Variants in WAC observed in about 807,000 individuals in gnomAD.
WAC encodes the protein WW domain containing adaptor with coiled-coil.
Under a neutral mutation model 79.6 loss-of-function variants are expected in WAC, and 11 were observed. That is an observed-to-expected ratio of 0.14 (90% CI 0.09 to 0.23). The LOEUF is 0.23. Among genes scored for constraint, WAC ranks in the 10% least tolerant of loss-of-function variants. The pLI is 1.00. For missense variants in WAC, 728 were observed against 773.5 expected (o/e 0.94, Z 0.70); for synonymous variants, 304 against 276.9 (o/e 1.10, Z -0.97).
chr10:28,549,599 T>C (rs889375744), intron 3 of WAC, among the ~76,000 whole-genome samples: 3 of 152,204 alleles, frequency 2.0e-5, no homozygotes, highest in Non-Finnish European at 4.4e-5. Flanking sequence ...TCTCATTCTT[T>C]ACCCGCAGCT....
chr10:28,610,732 A>C lies in WAC; in HGVS notation c.1199A>C (p.Gln400Pro). 1 of 1,611,574 alleles carries C rather than the reference A, an allele frequency of 6.2e-7. No homozygotes were observed. Among genetic ancestry groups the C allele is most frequent in the Non-Finnish European group, 8.5e-7 (1 of 1,179,424 alleles). Reference protein sequence around the residue: ...LTAAVTQASLQSIIHKFLTAG... With the variant: ...LTAAVTQASLPSIIHKFLTAG... ...GCAGCTGTGACACAAGCCTCACTGC[A>C]GTCTATAATTCATAAGTTTCTTACT... is the stretch of plus-strand genomic sequence containing the variant. The change falls in exon 9 of 14, where the codon CAG (glutamine) becomes CCG (proline). Residue 400 changes from glutamine to proline, a missense_variant. Gln to Pro is a moderately conservative substitution (Grantham distance 76). Transcript: ENST00000354911.
intron 7 of WAC, among the ~76,000 whole-genome samples, chr10:28,601,302 A>G (rs1483935875): frequency 6.6e-6 from 1 of 152,200 alleles, no homozygotes; most frequent in Non-Finnish European, 1.5e-5. Context: ...CAGTAAGCAC[A>G]TGAAAAGATG....
At chr10:28,610,233 C>T (rs1000585024) in intron 8 of WAC, among the ~76,000 whole-genome samples, 10 of 152,048 alleles carry the variant, frequency 6.6e-5, no homozygotes, top group African/African-American at 2.4e-4. Flanking sequence ...CCAATACTCC[C>T]TTTTTTGTAT....
intron 3 of WAC, among the ~76,000 whole-genome samples, chr10:28,559,305 G>C (rs1013045927): frequency 6.6e-6 from 1 of 152,148 alleles, no homozygotes; most frequent in Non-Finnish European, 1.5e-5. Context: ...CAATGAGGAA[G>C]CTAAGCCTGT....
intron 2 of WAC, chr10:28,535,356 A>T: frequency 6.3e-5 from 23 of 364,040 alleles, no homozygotes; most frequent in Non-Finnish European, 7.0e-5. Flanking sequence ...GTTTAGTGTG[A>T]TTTGTTATCA....
chr10:28,539,635 T>C (rs895317334), intron 3 of WAC, among the ~76,000 whole-genome samples: 4 of 151,938 alleles, frequency 2.6e-5, no homozygotes, highest in Admixed American at 2.6e-4. Context: ...CCTGGCTCGC[T>C]GTAACCTCTG....
rs1330396714 is a variant in WAC, at chr10:28,622,238, C to G, written c.*2632C>G. 1 of 151,906 alleles carries G rather than the reference C, an allele frequency of 6.6e-6. No homozygotes were observed. The highest frequency in any genetic ancestry group is 2.4e-5 in the African/African-American group (1 of 41,330). 9.4% of individuals were successfully genotyped at this position (151,906 alleles called of 1,614,324 possible). On this transcript the variant is annotated 3_prime_UTR_variant, in exon 14 of 14. Coordinates refer to ENST00000354911, the MANE Select transcript of WAC (RefSeq NM_016628.5). ...TGTGGAAATATTTTAAATATTGCAC[C>G]TTAATACAAGGTATCCAGCTCCTAA...
intron 3 of WAC, among the ~76,000 whole-genome samples, chr10:28,538,876 A>G (rs1589121577): frequency 6.6e-6 from 1 of 151,432 alleles, no homozygotes. Flanking sequence ...TAAAAAAAAA[A>G]AAAAAAAAGA....
At chr10:28,536,265 A>G (rs1371516756) in intron 3 of WAC, among the ~76,000 whole-genome samples, 7 of 149,900 alleles carry the variant, frequency 4.7e-5, no homozygotes, top group Non-Finnish European at 1.0e-4. Flanking sequence ...AAAAAAGCGG[A>G]CTTTAGTGTT....
intron 4 of WAC, among the ~76,000 whole-genome samples, chr10:28,585,501 C>T (rs2132642817): frequency 6.6e-6 from 1 of 151,916 alleles, no homozygotes; most frequent in South Asian, 2.1e-4. Flanking sequence ...TTCACGCGTG[C>T]TATCGTCAAA....
Position 28,622,726 on chromosome 10 carries a change from G to T in WAC, c.*3120G>T, listed in dbSNP as rs1338299670. ...ACACTTGTAAAATCTTGGGAAGGAG[G>T]TTCTTAAAACTTTGCCAGGAATTGT... On this transcript the variant is annotated 3_prime_UTR_variant, in exon 14 of 14. Transcript: ENST00000354911. The T allele has an allele frequency of 1.3e-5, 2 of 152,034 alleles. No individual in the cohort carries two copies. The highest frequency in any genetic ancestry group is 2.9e-5 in the Non-Finnish European group (2 of 68,026). The allele number at this position is 152,034 out of a possible 1,614,324, so 9.4% of individuals were successfully genotyped here.
intron 7 of WAC, among the ~76,000 whole-genome samples, chr10:28,597,901 T>C (rs2132721902): frequency 6.6e-6 from 1 of 152,318 alleles, no homozygotes; most frequent in African/African-American, 2.4e-5. Flanking sequence ...GTAAAAATCT[T>C]TCGTGGAGAT....
At chr10:28,533,886 G>A (rs1027019192) in intron 1 of WAC, 112 bp from the exon 2 acceptor site, 7 of 1,361,188 alleles carry the variant, frequency 5.1e-6, no homozygotes, top group Non-Finnish European at 7.2e-6. Context: ...TCGGCGCTGG[G>A]GCGCTCGGTA....
rs1315955004 is a variant in WAC, at chr10:28,570,012, C to A, written c.275-13387C>A. Among the ~76,000 whole-genome samples the A allele has an allele frequency of 3.9e-5, 6 of 152,246 alleles. No individual in the cohort carries two copies. The East Asian group carries it at 1.2e-3, about 29-fold the overall frequency. ...CATAAAAGCAGGATGACTAAGCACCCAAAACAGATGGAGTTTTAGAATAAA... is the reference window on the plus strand; with the variant it reads ...CATAAAAGCAGGATGACTAAGCACCAAAAACAGATGGAGTTTTAGAATAAA... On this transcript the variant is annotated intron_variant, in intron 3 of 13. Coordinates refer to ENST00000354911, the MANE Select transcript of WAC (RefSeq NM_016628.5).
In WAC at chr10:28,623,047, T is replaced by C. The variant is rs925165563; in HGVS notation, c.*3441T>C. ...TTATTTCAGAACTGTGTTTTGAAAGTCTTAGAATGCATAATTTGCATTTGA... is the reference window on the plus strand; with the variant it reads ...TTATTTCAGAACTGTGTTTTGAAAGCCTTAGAATGCATAATTTGCATTTGA... On this transcript the variant is annotated 3_prime_UTR_variant, in exon 14 of 14. Transcript: ENST00000354911. 4.6e-5 allele frequency: 7 copies of C among 152,220 alleles called. No homozygotes were observed. Among genetic ancestry groups the C allele is most frequent in the African/African-American group, 1.4e-4 (6 of 41,458 alleles). 9.4% of individuals were successfully genotyped at this position (152,220 alleles called of 1,614,324 possible).
rs752714289 is a variant in WAC, at chr10:28,608,442, A to C, written c.1165+11A>C. On this transcript the variant is annotated intron_variant, in intron 8 of 13. Transcript: ENST00000354911. Reference sequence around the variant, plus strand: ...CTAAAATAAATGAAGGTAAATCTTCATAACAGTTTTTTAAAAATTTATTTG... The same window carrying C: ...CTAAAATAAATGAAGGTAAATCTTCCTAACAGTTTTTTAAAAATTTATTTG... The C allele has an allele frequency of 1.2e-5, 18 of 1,559,834 alleles. No homozygotes were observed. The highest frequency in any genetic ancestry group is 1.5e-5 in the Non-Finnish European group (17 of 1,152,082).
chr10:28,541,190 A>G (rs1298709147), intron 3 of WAC, among the ~76,000 whole-genome samples: 1 of 152,044 alleles, frequency 6.6e-6, no homozygotes, highest in East Asian at 1.9e-4. Context: ...TTGGTCTGTA[A>G]TTCACAGAAA....
intron 7 of WAC, among the ~76,000 whole-genome samples, chr10:28,605,601 G>A (rs143650409): frequency 8.1e-4 from 123 of 152,088 alleles, no homozygotes; most frequent in Middle Eastern, 3.4e-3. Context: ...CTATCCTTGG[G>A]GTAAATAAAC....
At chr10:28,614,450 T>C (rs1841388726) in intron 10 of WAC, 117 bp from the exon 11 acceptor site, 1 of 462,260 alleles carries the variant, frequency 2.2e-6, no homozygotes. Flanking sequence ...AGAAATGAGA[T>C]CTAAGTTTCA....
Sources: allele counts gnomAD v4.1 joint callset (sites outside exome capture counted in the v4.1 genomes callset), GRCh38; gene constraint gnomAD v4.1.1; transcripts MANE v1.5; gene names NCBI Gene and HGNC (gene_info 2026-07-23, HGNC 2026-07-21).